The following RELN variants were observed in gnomAD, a reference collection of about 807,000 sequenced individuals.
RELN encodes reelin.
Under a neutral mutation model 427.6 loss-of-function variants are expected in RELN, and 108 were observed. That is an observed-to-expected ratio of 0.25 (90% CI 0.22 to 0.30). RELN has a LOEUF of 0.30. RELN is among the 10% of genes least tolerant of loss of function. The pLI is 1.00. For missense variants in RELN, 3,715 were observed against 4,302.8 expected, an observed-to-expected ratio of 0.86 and a Z score of 3.82; for synonymous variants, 1,524 against 1,513.4, an observed-to-expected ratio of 1.01 and a Z score of -0.16.
intron 6 of RELN, among the ~76,000 whole-genome samples, chr7:103,737,159 G>A (rs636187): frequency 0.22 from 33,279 of 152,014 alleles, 4,810 homozygotes; most frequent in African/African-American, 0.41. Context: ...AGAGGTTCTG[G>A]CAAGGGTATG....
chr7:103,934,454 T>C (rs185110932), intron 1 of RELN, among the ~76,000 whole-genome samples: 299 of 152,324 alleles, frequency 2.0e-3, no homozygotes, highest in Non-Finnish European at 3.8e-3. Context: ...CTTATCTATG[T>C]AGCCAGATGA....
intron 12 of RELN, among the ~76,000 whole-genome samples, chr7:103,655,633 G>A (rs1012058013): frequency 3.3e-5 from 5 of 152,034 alleles, no homozygotes; most frequent in Admixed American, 2.0e-4. Context: ...GATATTAAGC[G>A]GGAAAGCTAG....
intron 6 of RELN, among the ~76,000 whole-genome samples, chr7:103,743,241 C>T (rs569702542): frequency 6.6e-6 from 1 of 152,232 alleles, no homozygotes; most frequent in Non-Finnish European, 1.5e-5. Context: ...CAGGCCTGAC[C>T]TAAAAGAGTT....
intron 36 of RELN, among the ~76,000 whole-genome samples, chr7:103,559,880 AC>A (rs1314370903): frequency 6.6e-6 from 1 of 152,176 alleles, no homozygotes; most frequent in African/African-American, 2.4e-5. Flanking sequence ...CTAACATCAA[AC>A]TATAGAAATA....
intron 2 of RELN, among the ~76,000 whole-genome samples, chr7:103,883,310 A>T (rs1584329761): frequency 6.6e-6 from 1 of 152,182 alleles, no homozygotes. Context: ...TTTATGACAA[A>T]CCCACAGCCA....
chr7:103,601,572 G>C (rs1263709881), intron 24 of RELN, among the ~76,000 whole-genome samples: 1 of 152,154 alleles, frequency 6.6e-6, no homozygotes, highest in Non-Finnish European at 1.5e-5. Context: ...AATTGCCTCA[G>C]AATTGGTGGC....
At chr7:103,782,017 A>T (rs1236349077) in intron 3 of RELN, among the ~76,000 whole-genome samples, 1 of 152,148 alleles carries the variant, frequency 6.6e-6, no homozygotes, top group East Asian at 1.9e-4. Context: ...ACACGTTTCT[A>T]ATAAGCACTT....
chr7:103,899,429 C>A (rs1795033787), intron 2 of RELN, among the ~76,000 whole-genome samples: 1 of 152,162 alleles, frequency 6.6e-6, no homozygotes, highest in Non-Finnish European at 1.5e-5. Flanking sequence ...GGACTCCTCC[C>A]TAACTCATTT....
chr7:103,521,207 C>A (rs371516185), intron 48 of RELN, among the ~76,000 whole-genome samples: 1 of 150,940 alleles, frequency 6.6e-6, no homozygotes, highest in African/African-American at 2.4e-5. Context: ...TCTCGATCTC[C>A]TGACCTCATG....
chr7:103,505,613 GA>G (rs1829182683), intron 51 of RELN, among the ~76,000 whole-genome samples: 1 of 152,186 alleles, frequency 6.6e-6, no homozygotes, highest in African/African-American at 2.4e-5. Flanking sequence ...AAGATGGGGA[GA>G]AACCAGCGCA....
At chr7:103,814,769 C>CAT (rs36125807) in intron 3 of RELN, among the ~76,000 whole-genome samples, 77,406 of 151,614 alleles carry the variant, frequency 0.51, 20,048 homozygotes, top group Admixed American at 0.6. Flanking sequence ...AGCTCTGTGA[C>CAT]AGAGCTCACC....
At chr7:103,969,148 CA>C (rs5886293) in intron 1 of RELN, among the ~76,000 whole-genome samples, 16 of 150,414 alleles carry the variant, frequency 1.1e-4, no homozygotes, top group East Asian at 7.8e-4. Flanking sequence ...TTTGCATTTG[CA>C]AAAAAAAAAT....
intron 1 of RELN, among the ~76,000 whole-genome samples, chr7:103,931,852 G>T (rs1419924630): frequency 6.6e-6 from 1 of 152,152 alleles, no homozygotes; most frequent in Admixed American, 6.6e-5. Flanking sequence ...AGACCTGGAG[G>T]TGGAGGGAAC....
chr7:103,603,523 C>T lies in RELN; in HGVS notation c.3147-33G>A, dbSNP rs775096579. The stretch of plus-strand genomic sequence containing the variant: ...AGAGCAGGGCTGAGTAGGCAGGTTA[C>T]AGGCCCACCTGCCAATGCAATGGCC... On this transcript the variant is annotated intron_variant, in intron 23 of 64. Transcript: ENST00000428762. The surrounding 1 kb of genome is among the most constrained non-coding windows in gnomAD (Gnocchi z 4.3). 27 of 1,542,648 alleles carry T rather than the reference C, an allele frequency of 1.8e-5. No individual in the cohort carries two copies. In the South Asian group the frequency reaches 2.0e-4, roughly 11 times the overall value.
chr7:103,684,816 A>G (rs1311903283), intron 10 of RELN, among the ~76,000 whole-genome samples: 1 of 152,196 alleles, frequency 6.6e-6, no homozygotes, highest in African/African-American at 2.4e-5. Flanking sequence ...CTAAATATAC[A>G]TATTTTTTCA....
At chr7:103,908,399 TGAACTG>T (rs1239947272) in intron 2 of RELN, among the ~76,000 whole-genome samples, 1 of 152,170 alleles carries the variant, frequency 6.6e-6, no homozygotes, top group Non-Finnish European at 1.5e-5. Context: ...TACAACTTTA[TGAACTG>T]GGCACCATGG....
At chr7:103,709,513 G>A (rs1281340867) in intron 8 of RELN, among the ~76,000 whole-genome samples, 2 of 152,146 alleles carry the variant, frequency 1.3e-5, no homozygotes, top group East Asian at 3.9e-4. Flanking sequence ...CCCAGTTCTA[G>A]GACTTAGGAC....
chr7:103,866,471 G>C (rs928661733), intron 2 of RELN, among the ~76,000 whole-genome samples: 3 of 151,908 alleles, frequency 2.0e-5, no homozygotes, highest in Non-Finnish European at 2.9e-5. Flanking sequence ...TAACTGCATG[G>C]TTAATTATAT....
chr7:103,483,283 C>CCT (rs1370185034), intron 62 of RELN, among the ~76,000 whole-genome samples: 1 of 152,108 alleles, frequency 6.6e-6, no homozygotes, highest in African/African-American at 2.4e-5. Flanking sequence ...GCTTACAATG[C>CCT]AAAGCAAAAC....
Sources: allele counts gnomAD v4.1 joint callset (sites outside exome capture counted in the v4.1 genomes callset), GRCh38; gene constraint gnomAD v4.1.1; non-coding constraint Gnocchi (gnomAD v3.1); transcripts MANE v1.5; gene names NCBI Gene and HGNC (gene_info 2026-07-23, HGNC 2026-07-21).